The following FILIP1 variants were observed in gnomAD, a reference collection of about 807,000 sequenced individuals.
The protein encoded by FILIP1 is filamin A interacting protein 1, also known as filamin-A-interacting protein 1.
FILIP1 carries 61 observed loss-of-function variants against 102.1 expected under a neutral mutation model. The observed-to-expected ratio is 0.60, with a 90% CI of 0.49 to 0.74. The LOEUF (loss-of-function observed/expected upper bound fraction) is 0.74. FILIP1 is among the 30% of genes least tolerant of loss of function. FILIP1 has a pLI of 0.00. For missense variants in FILIP1, 1,314 were observed against 1,441.2 expected, an observed-to-expected ratio of 0.91 and a Z score of 1.43; for synonymous variants, 491 against 526.9, an observed-to-expected ratio of 0.93 and a Z score of 0.93.
rs1773260103 is a variant in FILIP1 at position 75,312,932 on chromosome 6, C to G, written c.2900G>C (p.Ser967Thr). 6.2e-7 allele frequency: 1 copy of G among 1,613,980 alleles called. No individual in the cohort carries two copies. The highest frequency in any genetic ancestry group is 1.7e-5 in the Admixed American group (1 of 59,978). Residue 967 changes from serine (S) to threonine (T), a missense_variant, in exon 5 of 6, where the codon AGT becomes ACT. Transcript: ENST00000237172. ...TTCTGGGCCAAGAGTAGTATCTCCA[C>G]TTTTTTGTTTTTGAGGCATAACGTT... The part of the protein sequence containing the change: ...SPNVMPQKQK[S>T]GDTTLGPERA...
intron 4 of FILIP1, among the ~76,000 whole-genome samples, chr6:75,322,548 T>G (rs184754821): frequency 4.6e-5 from 7 of 152,338 alleles, no homozygotes; most frequent in African/African-American, 1.7e-4. Flanking sequence ...AAACTTTTTC[T>G]TGGCAAATTT....
intron 2 of FILIP1, among the ~76,000 whole-genome samples, chr6:75,406,011 C>T (rs182366363): frequency 6.6e-6 from 1 of 152,320 alleles, no homozygotes; most frequent in African/African-American, 2.4e-5. Context: ...GGCTTAACCT[C>T]ACTAAAACTG....
At chr6:75,326,095 T>TAGATTAGATAGA (rs1554200298) in intron 4 of FILIP1, among the ~76,000 whole-genome samples, 45 of 144,946 alleles carry the variant, frequency 3.1e-4, no homozygotes, top group African/African-American at 1.2e-3. Context: ...GATAGATAGA[T>TAGATTAGATAGA]TAGATAGATA....
In FILIP1 at chr6:75,414,774, G is replaced by C; in HGVS notation, c.199C>G (p.Arg67Gly). ...RHLKTSGECE[R>G]KTKKSLELSK... ...AACTCCAGGGATTTCTTAGTTTTTCGTTCACATTCTCCAGATGTTTTTAGG... is the reference window on the plus strand; with the variant it reads ...AACTCCAGGGATTTCTTAGTTTTTCCTTCACATTCTCCAGATGTTTTTAGG... The change falls in exon 2 of 6, where the codon CGA (arginine) becomes GGA (glycine). Residue 67 changes from arginine to glycine, a missense_variant. Coordinates refer to ENST00000237172, the MANE Select transcript of FILIP1 (RefSeq NM_015687.5). The C allele has an allele frequency of 1.2e-6, 2 of 1,613,670 alleles. No individual in the cohort carries two copies. Among genetic ancestry groups the C allele is most frequent in the Non-Finnish European group, 1.7e-6 (2 of 1,179,760 alleles).
At chr6:75,408,570 C>T (rs1474085977) in intron 2 of FILIP1, among the ~76,000 whole-genome samples, 5 of 152,154 alleles carry the variant, frequency 3.3e-5, no homozygotes, top group African/African-American at 1.2e-4. Flanking sequence ...TGGCAGGGCA[C>T]TGGTGTACCA....
At chr6:75,310,132 C>T (rs920527406) in intron 5 of FILIP1, among the ~76,000 whole-genome samples, 3 of 152,238 alleles carry the variant, frequency 2.0e-5, no homozygotes, top group African/African-American at 7.2e-5. Context: ...CACAATGGGA[C>T]TGCTCACCAT....
rs1340831245 is a variant in FILIP1 at position 75,313,642 on chromosome 6, C to T, written c.2190G>A (p.Lys730=). Residue 730 remains lysine, a synonymous_variant, in exon 5 of 6, where the codon AAG becomes AAA. Transcript: ENST00000237172. The surrounding 1 kb of genome is among the most constrained non-coding windows in gnomAD (Gnocchi z 4.2). The part of the protein sequence containing the change: ...LKAEVQALKE[K]IHELMNKEDQ... ...CTTCTTTGTTCATTAATTCGTGAAT[C>T]TTCTCTTTAAGAGCTTGTACTTCGG... 1 of 1,595,032 alleles carries T rather than the reference C, an allele frequency of 6.3e-7. No homozygotes were observed. The highest frequency in any genetic ancestry group is 2.2e-5 in the East Asian group (1 of 44,840).
exon 7 of FILIP1, chr6:75,292,863 C>T (rs1238604870): frequency 6.6e-6 from 1 of 152,172 alleles, no homozygotes; most frequent in African/African-American, 2.4e-5. Flanking sequence ...GCCTGATACA[C>T]CACTTATTCT....
intron 3 of FILIP1, among the ~76,000 whole-genome samples, chr6:75,360,218 A>T (rs1775130595): frequency 6.6e-6 from 1 of 152,166 alleles, no homozygotes; most frequent in Non-Finnish European, 1.5e-5. Flanking sequence ...ATCTGGTAGG[A>T]GTAACATGGA....
chr6:75,369,086 G>C (rs1410830237), intron 2 of FILIP1, among the ~76,000 whole-genome samples: 1 of 152,144 alleles, frequency 6.6e-6, no homozygotes, highest in East Asian at 1.9e-4. Flanking sequence ...TTCTTGGCAG[G>C]GTTGTCTGAT....
intron 4 of FILIP1, among the ~76,000 whole-genome samples, chr6:75,338,222 G>A (rs544525990): frequency 1.3e-5 from 2 of 152,176 alleles, no homozygotes; most frequent in Non-Finnish European, 2.9e-5. Context: ...ACTAAGTAAA[G>A]TTGACCTCTT....
chr6:75,441,216 T>A (rs1340255172), intron 1 of FILIP1, among the ~76,000 whole-genome samples: 1 of 151,642 alleles, frequency 6.6e-6, no homozygotes, highest in African/African-American at 2.4e-5. Context: ...AGCATCTGTT[T>A]AACAAAGCAC....
intron 1 of FILIP1, among the ~76,000 whole-genome samples, chr6:75,426,429 A>C (rs1777627840): frequency 6.6e-6 from 1 of 152,198 alleles, no homozygotes. Context: ...ATATGCAGAC[A>C]GGAAATACAG....
rs536535604 is a variant in FILIP1, at chr6:75,329,541, C to T, written c.630-14339G>A. On this transcript the variant is annotated intron_variant, in intron 4 of 5. Transcript: ENST00000237172. ...TTTTCTTCAACTCTCCCCTTGGGTA[C>T]GCCTCTCTGTCTTCCAAGACAGAGG... Among the ~76,000 whole-genome samples the T allele has an allele frequency of 9.8e-5, 15 of 152,290 alleles. No homozygotes were observed. In the South Asian group the frequency reaches 1.9e-3, roughly 19 times the overall value.
At chr6:75,331,500 A>G (rs1774080531) in intron 4 of FILIP1, among the ~76,000 whole-genome samples, 1 of 152,160 alleles carries the variant, frequency 6.6e-6, no homozygotes, top group South Asian at 2.1e-4. Flanking sequence ...AAATATATAT[A>G]TTGCAAGGCT....
chr6:75,320,741 G>C (rs1773625194), intron 4 of FILIP1, among the ~76,000 whole-genome samples: 1 of 152,200 alleles, frequency 6.6e-6, no homozygotes, highest in African/African-American at 2.4e-5. Context: ...TATTAGATGA[G>C]TTCCTCTGTC....
At chr6:75,368,058 G>A (rs1270757788) in intron 2 of FILIP1, among the ~76,000 whole-genome samples, 1 of 152,182 alleles carries the variant, frequency 6.6e-6, no homozygotes, top group African/African-American at 2.4e-5. Context: ...TGATGATAGA[G>A]AACAAATATG....
At position 75,313,863 on chromosome 6, in the gene FILIP1, C is replaced by A; in HGVS notation, c.1969G>T (p.Glu657Ter). The stretch of plus-strand genomic sequence containing the variant: ...TGTTCCAGCTGATCATACTCATCTT[C>A]TGTCTTCATCAAATCCCCTTCGACC... ...EVVEGDLMKT[E>*]DEYDQLEQKF... Residue 657 changes from glutamate (E) to a stop codon, truncating the protein, a stop_gained, in exon 5 of 6, where the codon GAA becomes TAA. Transcript: ENST00000237172. LOFTEE classifies it high-confidence loss of function. This position sits in a 1 kb window ranked among gnomAD's most constrained non-coding sequence, Gnocchi z 4.2. 1 of 1,614,176 alleles carries A rather than the reference C, an allele frequency of 6.2e-7. No individual in the cohort carries two copies. Among genetic ancestry groups the A allele is most frequent in the Non-Finnish European group, 8.5e-7 (1 of 1,180,032 alleles).
At chr6:75,440,315 T>C (rs980730344) in intron 1 of FILIP1, among the ~76,000 whole-genome samples, 2 of 152,190 alleles carry the variant, frequency 1.3e-5, no homozygotes, top group African/African-American at 4.8e-5. Context: ...ATTCTAAGAA[T>C]CTGGAAATTC....
Sources: allele counts gnomAD v4.1 joint callset (sites outside exome capture counted in the v4.1 genomes callset), GRCh38; gene constraint gnomAD v4.1.1; non-coding constraint Gnocchi (gnomAD v3.1); transcripts MANE v1.5; gene names NCBI Gene and HGNC (gene_info 2026-07-23, HGNC 2026-07-21).